LIAS: variants seen among roughly 807,000 people sequenced by gnomAD.
The protein encoded by LIAS is lipoyl synthase, mitochondrial.
A neutral mutation model predicts 49.4 loss-of-function variants in LIAS; 36 were observed. The ratio of observed to expected loss-of-function variants is 0.73; its 90% confidence interval spans 0.56 to 0.96. The LOEUF (loss-of-function observed/expected upper bound fraction) is 0.96, where lower values mean the gene tolerates loss of function less well. LIAS is among the 40% of genes least tolerant of loss of function. LIAS has a pLI of 0.00. For synonymous variants in LIAS, 145 were observed against 155.8 expected, an observed-to-expected ratio of 0.93 and a Z score of 0.52; for missense variants, 399 against 456.3, an observed-to-expected ratio of 0.87 and a Z score of 1.14.
At chr4:39,460,995 C>T in intron 2 of LIAS, 33 bp downstream of exon 2, 1 of 1,550,110 alleles carries the variant, frequency 6.5e-7, no homozygotes, top group Non-Finnish European at 8.8e-7. Flanking sequence ...TTTAACGTCC[C>T]GTTCCTTTAT....
chr4:39,462,441 G>A, intron 3 of LIAS, 152 bp downstream of exon 3: 1 of 296,488 alleles, frequency 3.4e-6, no homozygotes, highest in South Asian at 9.6e-5. Context: ...AATATATTTA[G>A]AATCATTTTT....
rs764042926 is a variant in LIAS, at chr4:39,465,119, A to G, written c.467A>G (p.Asp156Gly). 6.2e-7 allele frequency: 1 copy of G among 1,614,220 alleles called. No homozygotes were observed. Among genetic ancestry groups the G allele is most frequent in the Non-Finnish European group, 8.5e-7 (1 of 1,180,024 alleles). Residue 156 changes from aspartate (D) to glycine (G), a missense_variant, in exon 5 of 11, where the codon GAT (aspartate) becomes GGT (glycine). By Grantham distance (94) the Asp-to-Gly change is moderately conservative. This residue lies in a region of LIAS where 234 missense variants were observed against 292.2 expected (regional missense o/e 0.80). Transcript: ENST00000640888. ...VKTARNPPPL[D>G]ASEPYNTAKA... ...ACTGCAAGAAATCCTCCTCCACTGG[A>G]TGCCAGTGAGCCCTACAATACTGCA...
At chr4:39,463,733 A>T in intron 4 of LIAS, 128 bp downstream of exon 4, 1 of 1,356,288 alleles carries the variant, frequency 7.4e-7, no homozygotes, top group African/African-American at 1.5e-5. Context: ...TTTATGAAAA[A>T]TATTAAGAAA....
At chr4:39,470,429 A>G (rs1290350805) in intron 8 of LIAS, 3 of 297,214 alleles carry the variant, frequency 1.0e-5, no homozygotes, top group Non-Finnish European at 1.9e-5. Context: ...TTTATTCCCC[A>G]TCCTTTGCAT....
intron 9 of LIAS, 28 bp downstream of exon 9, chr4:39,471,334 T>TA: frequency 6.4e-7 from 1 of 1,564,068 alleles, no homozygotes. Context: ...TGCTTTTTTT[T>TA]TTTTTTTTTA....
Position 39,463,606 on chromosome 4 carries a change from G to T in LIAS, c.393+1G>T, listed in dbSNP as rs1453408333. On this transcript the variant is annotated splice_donor_variant, in intron 4 of 10. Transcript: ENST00000640888. LOFTEE classifies it high-confidence loss of function. ...TGCCACCGCCACAGCCACGATCATG[G>T]TAGGGCCAGCCTCAACCTCTATGGC... 1 of 1,612,196 alleles carries T rather than the reference G, an allele frequency of 6.2e-7. No individual in the cohort carries two copies. The highest frequency in any genetic ancestry group is 2.2e-5 in the East Asian group (1 of 44,812).
At position 39,471,325 on chromosome 4, in the gene LIAS, GCT is replaced by G; in HGVS notation, c.954+20_954+21del. ...CCTTAAGGTACATGTATCTTGATTT[GCT>G]TTTTTTTTTTTTTTTTATTTTTAAA... is the stretch of plus-strand genomic sequence containing the variant. On this transcript the variant is annotated intron_variant, in intron 9 of 10. Coordinates refer to ENST00000640888, the MANE Select transcript of LIAS (RefSeq NM_006859.4). 7.5e-7 allele frequency: 1 copy of G among 1,331,456 alleles called. No individual in the cohort carries two copies. Among genetic ancestry groups the G allele is most frequent in the African/African-American group, 1.7e-5 (1 of 60,376 alleles). The allele number at this position is 1,331,456 out of a possible 1,614,324, so 82.5% of individuals were successfully genotyped here. A position where few individuals can be genotyped will look rare whatever the true frequency, so the allele number is the denominator to read the frequency against.
intron 5 of LIAS, 30 bp downstream of exon 5, chr4:39,465,232 A>T: frequency 6.2e-7 from 1 of 1,612,306 alleles, no homozygotes; most frequent in Non-Finnish European, 8.5e-7. Context: ...CTCTACCAGA[A>T]ACTGGCTCTA....
chr4:39,468,897 C>T (rs199534359), intron 7 of LIAS: 2 of 76,706 alleles, frequency 2.6e-5, no homozygotes, highest in African/African-American at 6.8e-5. Flanking sequence ...GAAAAAAACT[C>T]ATATCATTCA....
chr4:39,459,404 G>A (rs947602546), intron 1 of LIAS, among the ~76,000 whole-genome samples: 4 of 152,178 alleles, frequency 2.6e-5, no homozygotes, highest in African/African-American at 9.7e-5. Flanking sequence ...TTTCTGCTTA[G>A]AGTGGTTTGT....
chr4:39,477,334 G>C lies in LIAS; in HGVS notation c.*219G>C, dbSNP rs1745230440. 2.5e-6 allele frequency: 1 copy of C among 399,370 alleles called. No homozygotes were observed. The highest frequency in any genetic ancestry group is 2.2e-5 in the African/African-American group (1 of 46,156). 24.7% of individuals were successfully genotyped at this position (399,370 alleles called of 1,614,324 possible). ...ACCTGAGGTCAGGAGTTCGAGACCAGCCTGGCCAACATGGTGAAATCCTGT... is the reference window on the plus strand; with the variant it reads ...ACCTGAGGTCAGGAGTTCGAGACCACCCTGGCCAACATGGTGAAATCCTGT... On this transcript the variant is annotated 3_prime_UTR_variant, in exon 11 of 11. Coordinates refer to ENST00000640888, the MANE Select transcript of LIAS (RefSeq NM_006859.4).
Position 39,463,526 on chromosome 4 carries a change from T to C in LIAS, c.314T>C (p.Val105Ala). 5 of 1,605,100 alleles carry C rather than the reference T, an allele frequency of 3.1e-6. No homozygotes were observed. Among genetic ancestry groups the C allele is most frequent in the Non-Finnish European group, 4.3e-6 (5 of 1,174,816 alleles). Residue 105 changes from valine to alanine, a missense_variant and splice_region_variant, in exon 4 of 11, where the codon GTA becomes GCA. This residue lies in a region of LIAS where 159 missense variants were observed against 147.6 expected (regional missense o/e 1.08). Transcript: ENST00000640888. ...NTLRNLNLHT[V>A]CEEARCPNIG... ...TGTTCCATTTCCTTTTGCATACAGG[T>C]ATGTGAGGAAGCTCGATGTCCCAAT...
intron 8 of LIAS, among the ~76,000 whole-genome samples, chr4:39,470,834 T>C (rs1744952906): frequency 6.6e-6 from 1 of 152,202 alleles, no homozygotes; most frequent in Non-Finnish European, 1.5e-5. Context: ...ACAGCCCCCA[T>C]AGCATATCTT....
chr4:39,467,280 TTTTATTCAG>T (rs1169677425), intron 6 of LIAS: 5 of 243,392 alleles, frequency 2.1e-5, no homozygotes, highest in Non-Finnish European at 3.1e-5. Context: ...TAATTTGAAA[TTTTATTCAG>T]TTTGCCTACA....
chr4:39,472,496 A>G (rs1745031468), intron 9 of LIAS, among the ~76,000 whole-genome samples: 1 of 152,218 alleles, frequency 6.6e-6, no homozygotes. Context: ...TTCTCTTCAC[A>G]AATTTCACAA....
intron 2 of LIAS, 140 bp downstream of exon 2, chr4:39,461,102 G>T: frequency 1.5e-6 from 1 of 665,564 alleles, no homozygotes. Flanking sequence ...TGTGATAACA[G>T]AACTAGATAG....
intron 6 of LIAS, chr4:39,465,906 A>G (rs1022770008): frequency 6.6e-6 from 1 of 151,970 alleles, no homozygotes; most frequent in African/African-American, 2.4e-5. Context: ...TGATCCACCC[A>G]CCTGAGCCTA....
At chr4:39,462,313 T>C (rs754338735) in intron 3 of LIAS, 24 bp downstream of exon 3, 22 of 1,184,220 alleles carry the variant, frequency 1.9e-5, no homozygotes, top group Non-Finnish European at 2.4e-5. Flanking sequence ...GTGTAAACTA[T>C]CCCTCTTCAC....
intron 9 of LIAS, among the ~76,000 whole-genome samples, chr4:39,471,630 G>A (rs1025819797): frequency 1.5e-5 from 2 of 137,434 alleles, no homozygotes; most frequent in African/African-American, 5.4e-5. Flanking sequence ...AGGTTCAAAT[G>A]ATTTTCATGC....
Sources: allele counts gnomAD v4.1 joint callset (sites outside exome capture counted in the v4.1 genomes callset), GRCh38; gene constraint gnomAD v4.1.1; regional missense constraint gnomAD v4.1.1; transcripts MANE v1.5; gene names NCBI Gene and HGNC (gene_info 2026-07-23, HGNC 2026-07-21).